Variants in CDYL2 observed in about 807,000 individuals in gnomAD.
CDYL2 encodes the protein chromodomain Y like 2, also known as chromodomain Y-like protein 2.
Under a neutral mutation model 49.4 loss-of-function variants are expected in CDYL2, and 23 were observed. The ratio of observed to expected loss-of-function variants is 0.47; its 90% CI spans 0.34 to 0.66. The LOEUF (loss-of-function observed/expected upper bound fraction) is 0.66. Among genes scored for constraint, CDYL2 ranks in the 30% least tolerant of loss-of-function variants. The pLI is 0.01. For missense variants in CDYL2, 678 were observed against 656.4 expected (o/e 1.03, Z -0.36); for synonymous variants, 360 against 268.8 (o/e 1.34, Z -3.32).
chr16:80,643,289 G>C (rs779327947), intron 2 of CDYL2, among the ~76,000 whole-genome samples: 2 of 152,202 alleles, frequency 1.3e-5, no homozygotes, highest in Non-Finnish European at 2.9e-5. Context: ...AGTGCCCGTG[G>C]TCTTGGGCAG....
In CDYL2 at chr16:80,604,373, G is replaced by A. The variant is rs540685554; in HGVS notation, c.*15C>T. Reference sequence around the variant, plus strand: ...GGGCAGAGCTGGAAGTTGGGGGCCCGTGAGCTGGGGCCCCTCAGACTTCAT... The same window carrying A: ...GGGCAGAGCTGGAAGTTGGGGGCCCATGAGCTGGGGCCCCTCAGACTTCAT... On this transcript the variant is annotated 3_prime_UTR_variant, in exon 7 of 7. Transcript: ENST00000570137. 40 of 1,613,626 alleles carry A rather than the reference G, an allele frequency of 2.5e-5. No homozygotes were observed. Among genetic ancestry groups the A allele is most frequent in the Middle Eastern group, 1.7e-4 (1 of 6,004 alleles).
At chr16:80,681,982 C>G (rs756471389) in intron 2 of CDYL2, among the ~76,000 whole-genome samples, 19 of 152,300 alleles carry the variant, frequency 1.2e-4, no homozygotes, top group Non-Finnish European at 1.5e-4. Context: ...GTCCCACCCC[C>G]CACACATTTG....
chr16:80,705,687 T>C (rs1454281070), intron 1 of CDYL2, among the ~76,000 whole-genome samples: 2 of 152,280 alleles, frequency 1.3e-5, no homozygotes, highest in African/African-American at 4.8e-5. Flanking sequence ...GTAAATATTT[T>C]AGGCTTTGAA....
At position 80,751,340 on chromosome 16, in the gene CDYL2, T is replaced by G. The variant is rs566832013; in HGVS notation, c.24+52810A>C. On this transcript the variant is annotated intron_variant, in intron 1 of 6. Coordinates refer to ENST00000570137, the MANE Select transcript of CDYL2 (RefSeq NM_152342.4). Reference sequence around the variant, plus strand: ...AGTGCCAAAAATCCGGAGGAAGGACTTCATGGAGGTAACCTGACACTTAGC... The same window carrying G: ...AGTGCCAAAAATCCGGAGGAAGGACGTCATGGAGGTAACCTGACACTTAGC... 2.0e-5 allele frequency among the ~76,000 whole-genome samples: 3 copies of G among 152,342 alleles called. No homozygotes were observed. In the South Asian group the frequency reaches 6.2e-4, roughly 32 times the overall value.
intron 2 of CDYL2, among the ~76,000 whole-genome samples, chr16:80,645,618 A>C (rs1363063343): frequency 6.6e-6 from 1 of 152,178 alleles, no homozygotes; most frequent in Non-Finnish European, 1.5e-5. Context: ...CATTTGACCC[A>C]GCAATCCCAT....
At chr16:80,716,463 T>C (rs890161645) in intron 1 of CDYL2, among the ~76,000 whole-genome samples, 1 of 151,580 alleles carries the variant, frequency 6.6e-6, no homozygotes, top group Non-Finnish European at 1.5e-5. Flanking sequence ...GATGGATGAA[T>C]GGACGGATAG....
rs568365929 is a variant in CDYL2 at position 80,601,654 on chromosome 16, G to A, written c.*2734C>T. On this transcript the variant is annotated 3_prime_UTR_variant, in exon 7 of 7. Coordinates refer to ENST00000570137, the MANE Select transcript of CDYL2 (RefSeq NM_152342.4). ...AAATCTATTTGCTGTAAGTTACCTGGAATTCGCCTACACATGATCAAAACA... is the reference window on the plus strand; with the variant it reads ...AAATCTATTTGCTGTAAGTTACCTGAAATTCGCCTACACATGATCAAAACA... The A allele has an allele frequency of 6.6e-6, 1 of 152,216 alleles. No homozygotes were observed. The highest frequency in any genetic ancestry group is 6.5e-5 in the Admixed American group (1 of 15,296). The allele number at this position is 152,216 out of a possible 1,614,324, so 9.4% of individuals were successfully genotyped here.
chr16:80,663,296 G>T (rs564298263), intron 2 of CDYL2, among the ~76,000 whole-genome samples: 4 of 151,494 alleles, frequency 2.6e-5, no homozygotes, highest in South Asian at 4.2e-4. Context: ...GTGGAGGGGA[G>T]AGTTAAATAA....
Position 80,670,794 on chromosome 16 carries a change from G to C in CDYL2, c.616+13744C>G, listed in dbSNP as rs148994709. On this transcript the variant is annotated intron_variant, in intron 2 of 6. Coordinates refer to ENST00000570137, the MANE Select transcript of CDYL2 (RefSeq NM_152342.4). ...CATAAAAAGTGTGAATCGAGGCCTC[G>C]AGGCTGGCGCTCCCAGGAACACCAC... 1,346 of 401,286 alleles carry C rather than the reference G, an allele frequency of 3.4e-3. 19 individuals carry two copies. The highest frequency in any genetic ancestry group is 0.025 in the African/African-American group (1,186 of 47,998). The allele number at this position is 401,286 out of a possible 1,614,324, so 24.9% of individuals were successfully genotyped here. A position where few individuals can be genotyped will look rare whatever the true frequency, so the allele number is the denominator to read the frequency against.
intron 1 of CDYL2, among the ~76,000 whole-genome samples, chr16:80,735,522 G>A (rs971968530): frequency 6.6e-6 from 1 of 152,174 alleles, no homozygotes; most frequent in Admixed American, 6.5e-5. Context: ...CTGAATGTGA[G>A]TGATTAATAC....
chr16:80,633,178 T>G lies in CDYL2; in HGVS notation c.675A>C (p.Glu225Asp), dbSNP rs763877374. Reference protein sequence around the residue: ...NLHSPVKRKLEAEKDYVFDKR... With the variant: ...NLHSPVKRKLDAEKDYVFDKR... ...TGTCAAAGACGTAGTCCTTCTCCGC[T>G]TCCAGCTTCCTCTTCACTGGACTGT... Residue 225 changes from glutamate to aspartate, a missense_variant, in exon 3 of 7, where the codon GAA (glutamate) becomes GAC (aspartate). Physicochemically the swap from Glu to Asp is conservative, Grantham distance 45. This residue lies in a region of CDYL2 where 478 missense variants were observed against 427.0 expected (regional missense o/e 1.12). Coordinates refer to ENST00000570137, the MANE Select transcript of CDYL2 (RefSeq NM_152342.4). The G allele has an allele frequency of 1.9e-6, 3 of 1,614,216 alleles. No homozygotes were observed. In the East Asian group the frequency reaches 6.7e-5, roughly 36 times the overall value.
chr16:80,774,125 A>G (rs1051264353), intron 1 of CDYL2, among the ~76,000 whole-genome samples: 5 of 152,220 alleles, frequency 3.3e-5, no homozygotes, highest in Non-Finnish European at 5.9e-5. Flanking sequence ...AAGTAAAGGA[A>G]GAAAAATACA....
intron 2 of CDYL2, among the ~76,000 whole-genome samples, chr16:80,655,996 A>C (rs567268972): frequency 1.3e-5 from 2 of 152,230 alleles, no homozygotes; most frequent in South Asian, 4.1e-4. Context: ...AAATAATCCC[A>C]GCCCTACATT....
At chr16:80,641,866 G>A (rs1025914771) in intron 2 of CDYL2, among the ~76,000 whole-genome samples, 7 of 151,254 alleles carry the variant, frequency 4.6e-5, no homozygotes, top group Non-Finnish European at 1.0e-4. Flanking sequence ...CCTGCACATT[G>A]TGCACATGTA....
In CDYL2 at chr16:80,602,581, G is replaced by C. The variant is rs1290674628; in HGVS notation, c.*1807C>G. The C allele has an allele frequency of 1.3e-5, 2 of 152,286 alleles. No individual in the cohort carries two copies. Among genetic ancestry groups the C allele is most frequent in the Non-Finnish European group, 2.9e-5 (2 of 68,142 alleles). 9.4% of individuals were successfully genotyped at this position (152,286 alleles called of 1,614,324 possible). ...CCTGCCCAGTGCACCTGATTGCCAG[G>C]AAAAGATAAAGGACCACAGAGAGTT... On this transcript the variant is annotated 3_prime_UTR_variant, in exon 7 of 7. Coordinates refer to ENST00000570137, the MANE Select transcript of CDYL2 (RefSeq NM_152342.4).
intron 2 of CDYL2, among the ~76,000 whole-genome samples, chr16:80,646,975 A>AAT (rs1908377565): frequency 6.6e-6 from 1 of 152,162 alleles, no homozygotes; most frequent in Admixed American, 6.5e-5. Flanking sequence ...TGTCAGATAA[A>AAT]ATATACTTCA....
Position 80,633,055 on chromosome 16 carries a change from G to T in CDYL2, c.798C>A (p.Ser266=), listed in dbSNP as rs1907641109. 6.2e-7 allele frequency: 1 copy of T among 1,614,158 alleles called. No homozygotes were observed. The highest frequency in any genetic ancestry group is 2.2e-5 in the East Asian group (1 of 44,886). Residue 266 remains serine (S), a synonymous_variant, in exon 3 of 7, where the codon TCC becomes TCA. Transcript: ENST00000570137. ...GGGCATTGTTATCCGAGGTCTGACT[G>T]GACAGCAGGATGTGCGTGAACCCTT... is the stretch of plus-strand genomic sequence containing the variant. ...KEEGFTHILL[S]SQTSDNNALT... is the part of the protein sequence containing the mutation.
rs1412029280 is a variant in CDYL2, at chr16:80,632,331, C to T, written c.834+688G>A. Among the ~76,000 whole-genome samples, 9 of 152,256 alleles carry T rather than the reference C, an allele frequency of 5.9e-5. No homozygotes were observed. The East Asian group carries it at 1.4e-3, about 23-fold the overall frequency. The stretch of plus-strand genomic sequence containing the variant: ...CAGACACAAAAGGCTACAAACTGCA[C>T]GTTTCCATTGATACAAACTGTCCGG... On this transcript the variant is annotated intron_variant, in intron 3 of 6. Coordinates refer to ENST00000570137, the MANE Select transcript of CDYL2 (RefSeq NM_152342.4).
chr16:80,706,229 T>TAC (rs1904400442), intron 1 of CDYL2, among the ~76,000 whole-genome samples: 1 of 152,270 alleles, frequency 6.6e-6, no homozygotes, highest in Admixed American at 6.5e-5. Context: ...TAGTTGTCCC[T>TAC]TGGCTACAGG....
Sources: allele counts gnomAD v4.1 joint callset (sites outside exome capture counted in the v4.1 genomes callset), GRCh38; gene constraint gnomAD v4.1.1; regional missense constraint gnomAD v4.1.1; transcripts MANE v1.5; gene names NCBI Gene and HGNC (gene_info 2026-07-23, HGNC 2026-07-21).